TDRD5: variants seen among roughly 807,000 people sequenced by gnomAD.
The protein encoded by TDRD5 is tudor domain containing 5.
Under a neutral mutation model 120.6 loss-of-function variants are expected in TDRD5, and 41 were observed. That is an observed-to-expected ratio of 0.34 (90% CI 0.26 to 0.44). The LOEUF is 0.44. Among genes scored for constraint, TDRD5 ranks in the 20% least tolerant of loss-of-function variants. TDRD5 has a pLI of 1.00. For synonymous variants in TDRD5, 430 were observed against 433.7 expected (o/e 0.99, Z 0.11); for missense variants, 1,006 against 1,221.2 (o/e 0.82, Z 2.63).
At chr1:179,681,072 ATC>A (rs1680394595) in intron 17 of TDRD5, among the ~76,000 whole-genome samples, 2 of 152,200 alleles carry the variant, frequency 1.3e-5, no homozygotes, top group Non-Finnish European at 2.9e-5. Context: ...AATTTTATCT[ATC>A]TATCTACATT....
At position 179,593,726 on chromosome 1, in the gene TDRD5, T is replaced by A; in HGVS notation, c.499T>A (p.Tyr167Asn). ...FAKRFGRSFQ[Y>N]MQYGFLSMFE... The stretch of plus-strand genomic sequence containing the variant: ...CAAAAGATTTGGACGATCATTCCAA[T>A]ACATGCAATATGGATTTCTCTCTAT... Residue 167 changes from tyrosine (Y) to asparagine (N), a missense_variant, in exon 3 of 18, where the codon TAC (tyrosine) becomes AAC (asparagine). Tyr to Asn is a moderately radical substitution (Grantham distance 143). This residue lies in a region of TDRD5 where 445 missense variants were observed against 515.5 expected (regional missense o/e 0.86). Coordinates refer to ENST00000444136, the MANE Select transcript of TDRD5 (RefSeq NM_001199085.3). The A allele has an allele frequency of 2.5e-6, 4 of 1,614,238 alleles. No homozygotes were observed. In the South Asian group the frequency reaches 3.3e-5, roughly 13 times the overall value.
intron 17 of TDRD5, among the ~76,000 whole-genome samples, chr1:179,684,295 G>A (rs1317450012): frequency 6.6e-6 from 1 of 152,112 alleles, no homozygotes; most frequent in Non-Finnish European, 1.5e-5. Flanking sequence ...AGAACATGTG[G>A]TGTTTGGTTT....
intron 17 of TDRD5, among the ~76,000 whole-genome samples, chr1:179,671,226 T>C (rs1344318049): frequency 6.6e-6 from 1 of 152,216 alleles, no homozygotes; most frequent in Non-Finnish European, 1.5e-5. Context: ...TGTACTACTA[T>C]CTTAATTACC....
In TDRD5 at chr1:179,597,196, A is replaced by T. The variant is rs1013389320; in HGVS notation, c.831+1378A>T. ...TTACATATTCTAGATGTAAGTCCTT[A>T]TCAGAGGCGTGTTTTGTAAATATTT... On this transcript the variant is annotated intron_variant, in intron 4 of 17. Transcript: ENST00000444136. Among the ~76,000 whole-genome samples, 37 of 152,182 alleles carry T rather than the reference A, an allele frequency of 2.4e-4. 1 individual carries two copies. Among genetic ancestry groups the T allele is most frequent in the Admixed American group, 9.2e-4 (14 of 15,296 alleles).
At chr1:179,674,392 CCTCTG>C (rs1680010953) in intron 17 of TDRD5, among the ~76,000 whole-genome samples, 1 of 152,168 alleles carries the variant, frequency 6.6e-6, no homozygotes, top group Admixed American at 6.5e-5. Context: ...GTATGAAACC[CCTCTG>C]ACCATGGTGG....
Position 179,592,721 on chromosome 1 carries a change from C to A in TDRD5, c.106C>A (p.Leu36Ile). The change falls in exon 2 of 18, where the codon CTT becomes ATT. Residue 36 changes from leucine to isoleucine, a missense_variant. Physicochemically the swap from Leu to Ile is conservative, Grantham distance 5. This residue lies in a region of TDRD5 where 445 missense variants were observed against 515.5 expected (regional missense o/e 0.86). Coordinates refer to ENST00000444136, the MANE Select transcript of TDRD5 (RefSeq NM_001199085.3). ...CCCACAGGAGTTGGAGAAGGAGTAC[C>A]TTTTGATGGTTGGCAACCATCTACC... is the stretch of plus-strand genomic sequence containing the variant. ...LSPQELEKEY[L>I]LMVGNHLPLR... 1 of 1,614,024 alleles carries A rather than the reference C, an allele frequency of 6.2e-7. No individual in the cohort carries two copies. Among genetic ancestry groups the A allele is most frequent in the Middle Eastern group, 1.6e-4 (1 of 6,062 alleles).
In TDRD5 at chr1:179,662,233, G is replaced by T; in HGVS notation, c.2452G>T (p.Ala818Ser). The T allele has an allele frequency of 3.7e-6, 6 of 1,611,142 alleles. No individual in the cohort carries two copies. In the African/African-American group the frequency reaches 4.0e-5, roughly 11 times the overall value. Residue 818 changes from alanine to serine, a missense_variant, in exon 15 of 18, where the codon GCA becomes TCA. Around this residue, in one of 3 missense-constraint regions of TDRD5, gnomAD observed 403 missense variants for 448.1 expected, o/e 0.90. Coordinates refer to ENST00000444136, the MANE Select transcript of TDRD5 (RefSeq NM_001199085.3). ...GGDAASHLFT[A>S]SLGGKNQYSS... ...TGATGCTGCCTCCCATCTATTTACT[G>T]CAAGCCTTGGTGGAAAGAATCAGTA...
Position 179,690,998 on chromosome 1 carries a change from C to G in TDRD5, c.*55C>G. 6.4e-7 allele frequency: 1 copy of G among 1,554,174 alleles called. No homozygotes were observed. Among genetic ancestry groups the G allele is most frequent in the Admixed American group, 2.0e-5 (1 of 50,006 alleles). Reference sequence around the variant, plus strand: ...ATCCAGCCGCTTAGGCTTTGATGAACTCCCAGGCCAAAATGAGGAGTTATT... The same window carrying G: ...ATCCAGCCGCTTAGGCTTTGATGAAGTCCCAGGCCAAAATGAGGAGTTATT... On this transcript the variant is annotated 3_prime_UTR_variant, in exon 18 of 18. Transcript: ENST00000444136.
intron 5 of TDRD5, among the ~76,000 whole-genome samples, chr1:179,620,279 T>C (rs1676774181): frequency 6.6e-6 from 1 of 152,170 alleles, no homozygotes; most frequent in Non-Finnish European, 1.5e-5. Flanking sequence ...ATAAAATATA[T>C]CTGGAAAAAT....
At chr1:179,603,478 A>G (rs1205758348) in intron 4 of TDRD5, among the ~76,000 whole-genome samples, 1 of 152,106 alleles carries the variant, frequency 6.6e-6, no homozygotes, top group Non-Finnish European at 1.5e-5. Context: ...AATGCTTTCA[A>G]CTTTACCCAT....
chr1:179,668,394 G>A (rs1277756387), intron 16 of TDRD5, among the ~76,000 whole-genome samples: 1 of 152,124 alleles, frequency 6.6e-6, no homozygotes, highest in Non-Finnish European at 1.5e-5. Flanking sequence ...AACATAGACT[G>A]GCTTAAGTTC....
At chr1:179,595,856 T>G in intron 4 of TDRD5, 38 bp downstream of exon 4, 1 of 1,547,440 alleles carries the variant, frequency 6.5e-7, no homozygotes, top group Non-Finnish European at 8.7e-7. Flanking sequence ...ATATACGATG[T>G]TTTTAAATTC....
At chr1:179,667,897 A>G (rs1443291072) in intron 16 of TDRD5, among the ~76,000 whole-genome samples, 1 of 152,154 alleles carries the variant, frequency 6.6e-6, no homozygotes, top group Non-Finnish European at 1.5e-5. Flanking sequence ...CAGAAGGAAC[A>G]TTTGCTGATA....
chr1:179,637,945 G>T (rs1051268547), intron 9 of TDRD5, among the ~76,000 whole-genome samples: 1 of 152,196 alleles, frequency 6.6e-6, no homozygotes, highest in African/African-American at 2.4e-5. Flanking sequence ...ACAAGAATTT[G>T]CGAGTCAAGG....
At chr1:179,597,847 T>G (rs1169962876) in intron 4 of TDRD5, among the ~76,000 whole-genome samples, 1 of 147,370 alleles carries the variant, frequency 6.8e-6, no homozygotes, top group African/African-American at 2.6e-5. Context: ...ACCTCACACA[T>G]GTGTAGTTCT....
At chr1:179,677,509 G>A (rs1373723464) in intron 17 of TDRD5, among the ~76,000 whole-genome samples, 2 of 152,136 alleles carry the variant, frequency 1.3e-5, no homozygotes, top group African/African-American at 4.8e-5. Flanking sequence ...TGGGATTCAA[G>A]GGCTGCTGTT....
intron 4 of TDRD5, among the ~76,000 whole-genome samples, chr1:179,616,562 C>T (rs1676575334): frequency 6.6e-6 from 1 of 152,164 alleles, no homozygotes; most frequent in Non-Finnish European, 1.5e-5. Context: ...GTATCAGTAT[C>T]TCTGTTTTTG....
chr1:179,655,444 C>T (rs1039207666), intron 14 of TDRD5, among the ~76,000 whole-genome samples: 3 of 151,926 alleles, frequency 2.0e-5, no homozygotes, highest in Non-Finnish European at 4.4e-5. Context: ...GTTAATATTT[C>T]TTTCCTTTTA....
chr1:179,669,406 T>C lies in TDRD5; in HGVS notation c.2860+2T>C. ...CCGCAGAAAAGCCCTCTGGTTCTGG[T>C]ATGTTTGTGTGTACTTGTGCATGCT... On this transcript the variant is annotated splice_donor_variant, in intron 17 of 17. Coordinates refer to ENST00000444136, the MANE Select transcript of TDRD5 (RefSeq NM_001199085.3). LOFTEE classifies it high-confidence loss of function. 6.2e-7 allele frequency: 1 copy of C among 1,613,844 alleles called. No homozygotes were observed. The highest frequency in any genetic ancestry group is 1.7e-4 in the Middle Eastern group (1 of 5,926).
Sources: gnomAD v4.1 joint callset for allele counts (sites outside exome capture counted in the v4.1 genomes callset) on GRCh38, gnomAD v4.1.1 for gene constraint, gnomAD v4.1.1 regional missense constraint, MANE v1.5 for transcripts, NCBI Gene and HGNC (gene_info 2026-07-23, HGNC 2026-07-21) for gene names.